RBFOX3: variants seen among roughly 807,000 people sequenced by gnomAD.
RBFOX3 encodes the protein RNA binding protein fox-1 homolog 3.
In RBFOX3, 17 loss-of-function variants were observed where a neutral mutation model predicts 48.7. That is an observed-to-expected ratio of 0.35 (90% confidence interval 0.24 to 0.52). The LOEUF (loss-of-function observed/expected upper bound fraction) is 0.52, where lower values mean the gene tolerates loss of function less well. RBFOX3 is among the 20% of genes least tolerant of loss of function. The probability of loss-of-function intolerance (pLI) is 0.94; values close to 1 mark genes in which losing one functional copy is unlikely to be tolerated. For missense variants in RBFOX3, 382 were observed against 497.5 expected, an observed-to-expected ratio of 0.77 and a Z score of 2.21; for synonymous variants, 212 against 209.5, an observed-to-expected ratio of 1.01 and a Z score of -0.10.
At chr17:79,410,705 T>C (rs1288945064) in intron 2 of RBFOX3, among the ~76,000 whole-genome samples, 1 of 152,188 alleles carries the variant, frequency 6.6e-6, no homozygotes, top group Non-Finnish European at 1.5e-5. Flanking sequence ...CTTAAGCCCC[T>C]GAGCTGGAGG....
At chr17:79,409,370 C>T (rs1015785504) in intron 2 of RBFOX3, among the ~76,000 whole-genome samples, 9 of 152,158 alleles carry the variant, frequency 5.9e-5, no homozygotes, top group African/African-American at 1.9e-4. Flanking sequence ...TGTCTAGGAG[C>T]GAGACGGCCG....
rs1392834172 is a variant in RBFOX3, at chr17:79,204,724, A to G, written c.-34+31042T>C. Among the ~76,000 whole-genome samples the G allele has an allele frequency of 6.6e-6, 1 of 152,136 alleles. No individual in the cohort carries two copies. The highest frequency in any genetic ancestry group is 1.5e-5 in the Non-Finnish European group (1 of 68,020). ...GTGAGTGCCTTCACTTAGGGTTGCCATTAGGAGATGCTGCCACTAACTGGG... is the reference window on the plus strand; with the variant it reads ...GTGAGTGCCTTCACTTAGGGTTGCCGTTAGGAGATGCTGCCACTAACTGGG... On this transcript the variant is annotated intron_variant, in intron 4 of 14. Coordinates refer to ENST00000693108, the MANE Select transcript of RBFOX3 (RefSeq NM_001350451.2). This position sits in a 1 kb window ranked among gnomAD's most constrained non-coding sequence, Gnocchi z 4.5.
At chr17:79,265,083 G>A (rs952172929) in intron 3 of RBFOX3, among the ~76,000 whole-genome samples, 4 of 152,096 alleles carry the variant, frequency 2.6e-5, no homozygotes, top group Admixed American at 6.5e-5. Context: ...CAGATGCCAC[G>A]CTCGGCAGTG....
intron 3 of RBFOX3, among the ~76,000 whole-genome samples, chr17:79,297,364 G>T (rs1366610697): frequency 1.3e-5 from 2 of 152,194 alleles, no homozygotes; most frequent in African/African-American, 4.8e-5. Flanking sequence ...CCTTTGGGAA[G>T]CACCAAAGCT....
At chr17:79,370,194 C>T (rs2058326716) in intron 2 of RBFOX3, among the ~76,000 whole-genome samples, 1 of 152,230 alleles carries the variant, frequency 6.6e-6, no homozygotes, top group Non-Finnish European at 1.5e-5. Flanking sequence ...AAGTCACTGA[C>T]AGCACTTGGA....
chr17:79,278,214 G>T, intron 3 of RBFOX3, among the ~76,000 whole-genome samples: 1 of 152,076 alleles, frequency 6.6e-6, no homozygotes, highest in East Asian at 1.9e-4. Flanking sequence ...CCACAGCCCT[G>T]CTCCCCAGGC....
intron 2 of RBFOX3, among the ~76,000 whole-genome samples, chr17:79,470,629 G>A (rs113764427): frequency 6.6e-5 from 10 of 152,234 alleles, no homozygotes; most frequent in Non-Finnish European, 1.3e-4. Context: ...GAGGTGAGAT[G>A]AGGGTGGCTG....
intron 3 of RBFOX3, among the ~76,000 whole-genome samples, chr17:79,295,585 G>A (rs1415519688): frequency 1.3e-5 from 2 of 152,182 alleles, no homozygotes; most frequent in African/African-American, 4.8e-5. Context: ...GTCAGGTGCT[G>A]ATGGAAAGAT....
At chr17:79,271,625 C>T (rs1471821424) in intron 3 of RBFOX3, among the ~76,000 whole-genome samples, 1 of 152,226 alleles carries the variant, frequency 6.6e-6, no homozygotes, top group East Asian at 1.9e-4. Context: ...TTCTGACTTT[C>T]CCTTCTCCCA....
intron 14 of RBFOX3, chr17:79,092,229 G>T: frequency 2.0e-6 from 2 of 985,524 alleles, no homozygotes; most frequent in Non-Finnish European, 2.4e-6. Flanking sequence ...GCCCTCATAG[G>T]GCGCTACCGC....
intron 1 of RBFOX3, among the ~76,000 whole-genome samples, chr17:79,547,528 C>T (rs2090612532): frequency 6.6e-6 from 1 of 152,148 alleles, no homozygotes; most frequent in Non-Finnish European, 1.5e-5. Context: ...ACTTCAGGAG[C>T]CAAATCCCCA....
intron 2 of RBFOX3, among the ~76,000 whole-genome samples, chr17:79,335,551 A>G (rs4429326): frequency 0.97 from 147,917 of 152,298 alleles, 71,979 homozygotes; most frequent in South Asian, 1. Context: ...TCTCATCTCT[A>G]GGTCCCAGGC....
At chr17:79,478,844 C>T (rs1055313441) in intron 2 of RBFOX3, among the ~76,000 whole-genome samples, 1 of 152,224 alleles carries the variant, frequency 6.6e-6, no homozygotes, top group African/African-American at 2.4e-5. Context: ...ATTTACTATA[C>T]AGTAAAACCC....
the RBFOX3 span, among the ~76,000 whole-genome samples, chr17:79,662,531 A>T: frequency 2.0e-5 from 3 of 152,090 alleles, no homozygotes; most frequent in Admixed American, 1.3e-4. Context: ...CGCCTTTGTC[A>T]TGTGCCAGTC....
chr17:79,501,042 T>G (rs1042523548), intron 1 of RBFOX3, among the ~76,000 whole-genome samples: 35 of 152,220 alleles, frequency 2.3e-4, no homozygotes, highest in African/African-American at 8.0e-4. Context: ...AGCTCTTTCC[T>G]GCAAGACCAT....
chr17:79,305,095 A>C (rs1228707631), intron 3 of RBFOX3, among the ~76,000 whole-genome samples: 1 of 152,186 alleles, frequency 6.6e-6, no homozygotes, highest in Non-Finnish European at 1.5e-5. Context: ...CCGCCTGGCC[A>C]GGGCAGGAAG....
chr17:79,339,383 A>G (rs1430711847), intron 2 of RBFOX3, among the ~76,000 whole-genome samples: 1 of 152,124 alleles, frequency 6.6e-6, no homozygotes, highest in African/African-American at 2.4e-5. Flanking sequence ...TGAAGCTTGG[A>G]AAACCATTGT....
At chr17:79,127,532 A>G (rs2707047) in intron 4 of RBFOX3, among the ~76,000 whole-genome samples, 74,087 of 152,014 alleles carry the variant, frequency 0.49, 19,201 homozygotes, top group Non-Finnish European at 0.6. Context: ...TACAGGTCAA[A>G]GAAGTTTTAG....
At chr17:79,597,270 T>C (rs2093593236) in intron 1 of RBFOX3, among the ~76,000 whole-genome samples, 1 of 152,216 alleles carries the variant, frequency 6.6e-6, no homozygotes, top group African/African-American at 2.4e-5. Flanking sequence ...TTGGGGAATC[T>C]GGTCTTGCCA....
Sources: gnomAD v4.1 joint callset for allele counts (sites outside exome capture counted in the v4.1 genomes callset) on GRCh38, gnomAD v4.1.1 for gene constraint, Gnocchi (gnomAD v3.1) non-coding constraint, MANE v1.5 for transcripts, NCBI Gene and HGNC (gene_info 2026-07-23, HGNC 2026-07-21) for gene names.